PIK3CG: variants seen among roughly 807,000 people sequenced by gnomAD.
The protein encoded by PIK3CG is phosphatidylinositol 4,5-bisphosphate 3-kinase catalytic subunit gamma isoform.
In PIK3CG, 55 loss-of-function variants were observed where a neutral mutation model predicts 102.3. That is an observed-to-expected ratio of 0.54 (90% CI 0.43 to 0.67). PIK3CG has a LOEUF of 0.67. Ranked by LOEUF, PIK3CG falls within the 30% of genes least tolerant of loss-of-function variation. The probability of loss-of-function intolerance (pLI) is 0.00; values close to 1 mark genes in which losing one functional copy is unlikely to be tolerated. For synonymous variants in PIK3CG, 552 were observed against 540.0 expected (o/e 1.02, Z -0.31); for missense variants, 1,258 against 1,391.8 (o/e 0.90, Z 1.53).
chr7:106,898,080 T>C (rs1791454192), intron 10 of PIK3CG, among the ~76,000 whole-genome samples: 1 of 152,148 alleles, frequency 6.6e-6, no homozygotes, highest in South Asian at 2.1e-4. Context: ...CCATTCTGAG[T>C]GGTGGGAGAT....
chr7:106,896,423 G>A (rs1208573340), intron 10 of PIK3CG, among the ~76,000 whole-genome samples: 1 of 152,176 alleles, frequency 6.6e-6, no homozygotes, highest in East Asian at 1.9e-4. Context: ...AAAACCAAAA[G>A]GCGTCCCCAT....
chr7:106,871,769 T>C (rs1168961086), intron 2 of PIK3CG, among the ~76,000 whole-genome samples: 2 of 152,240 alleles, frequency 1.3e-5, no homozygotes, highest in Non-Finnish European at 2.9e-5. Flanking sequence ...TTTAATTGTG[T>C]TTTTTACATT....
chr7:106,883,366 G>A lies in PIK3CG; in HGVS notation c.2760+203G>A, dbSNP rs184003496. On this transcript the variant is annotated intron_variant, in intron 8 of 10. Coordinates refer to ENST00000496166, the MANE Select transcript of PIK3CG (RefSeq NM_001282426.2). This position sits in a 1 kb window ranked among gnomAD's most constrained non-coding sequence, Gnocchi z 5.8. ...GTGTGAAACAGAGGCACTCAGTTCAGGACTCCATGAGCATTTGCTTCTCTT... is the reference window on the plus strand; with the variant it reads ...GTGTGAAACAGAGGCACTCAGTTCAAGACTCCATGAGCATTTGCTTCTCTT... 1.1e-3 allele frequency among the ~76,000 whole-genome samples: 170 copies of A among 152,250 alleles called. No individual in the cohort carries two copies. The highest frequency in any genetic ancestry group is 3.7e-3 in the African/African-American group (152 of 41,540).
chr7:106,874,683 A>AAG lies in PIK3CG; in HGVS notation c.2288-17_2288-16insAG. On this transcript the variant is annotated splice_polypyrimidine_tract_variant and intron_variant, in intron 4 of 10. Coordinates refer to ENST00000496166, the MANE Select transcript of PIK3CG (RefSeq NM_001282426.2). This position sits in a 1 kb window ranked among gnomAD's most constrained non-coding sequence, Gnocchi z 4.3. ...TCTGGAACTCACATAACTCTTGTGT[A>AAG]CTTTTGACAATTACAGTTATTTCAC... The AAG allele has an allele frequency of 6.7e-7, 1 of 1,494,046 alleles. No individual in the cohort carries two copies. The highest frequency in any genetic ancestry group is 9.3e-7 in the Non-Finnish European group (1 of 1,071,114). 92.5% of individuals were successfully genotyped at this position (1,494,046 alleles called of 1,614,324 possible).
In PIK3CG at chr7:106,892,172, A is replaced by G. The variant is rs849405; in HGVS notation, c.3030+5880A>G. 0.14 allele frequency among the ~76,000 whole-genome samples: 20,707 copies of G among 151,790 alleles called. 1,733 individuals are homozygous for G. Among genetic ancestry groups the G allele is most frequent in the African/African-American group, 0.24 (9,900 of 41,336 alleles). ...GCCACAGGGACCACAGAGACCTTGT[A>G]ATCTGACATTCTTCCAAGGGCTGCA... is the stretch of plus-strand genomic sequence containing the variant. On this transcript the variant is annotated intron_variant, in intron 10 of 10. Coordinates refer to ENST00000496166, the MANE Select transcript of PIK3CG (RefSeq NM_001282426.2). The surrounding 1 kb of genome is among the most constrained non-coding windows in gnomAD (Gnocchi z 5.2).
At chr7:106,888,129 C>T (rs935185357) in intron 10 of PIK3CG, among the ~76,000 whole-genome samples, 2 of 151,740 alleles carry the variant, frequency 1.3e-5, no homozygotes, top group African/African-American at 2.4e-5. Flanking sequence ...TTAGTAGAGA[C>T]AGGGTTTCAC....
At chr7:106,898,190 G>T (rs112923435) in intron 10 of PIK3CG, among the ~76,000 whole-genome samples, 2 of 152,154 alleles carry the variant, frequency 1.3e-5, no homozygotes, top group Non-Finnish European at 2.9e-5. Flanking sequence ...CTTTTGAGAA[G>T]TATCTGTTTG....
Position 106,905,810 on chromosome 7 carries a change from T to G in PIK3CG, c.*423T>G, listed in dbSNP as rs1220160203. On this transcript the variant is annotated 3_prime_UTR_variant, in exon 11 of 11. Transcript: ENST00000496166. The surrounding 1 kb of genome is among the most constrained non-coding windows in gnomAD (Gnocchi z 5.6). ...CTCAAGCTCTTTAAAGAAAAAGATG[T>G]AATCGTTGTAACCTTTGTCTCATTC... The G allele has an allele frequency of 7.8e-6, 2 of 257,840 alleles. No homozygotes were observed. The highest frequency in any genetic ancestry group is 4.4e-5 in the African/African-American group (2 of 45,608). 16.0% of individuals were successfully genotyped at this position (257,840 alleles called of 1,614,324 possible). A position where few individuals can be genotyped will look rare whatever the true frequency, so the allele number is the denominator to read the frequency against.
rs1446853033 is a variant in PIK3CG, at chr7:106,867,707, G to A, written c.146G>A (p.Arg49His). The A allele has an allele frequency of 3.7e-6, 6 of 1,613,214 alleles. No individual in the cohort carries two copies. The highest frequency in any genetic ancestry group is 1.1e-5 in the South Asian group (1 of 91,078). Reference sequence around the variant, plus strand: ...GAGTTCGTGCTGCCCACCAGCCAGCGCAAATGCAAGAGCCCCGAAACGGCG... The same window carrying A: ...GAGTTCGTGCTGCCCACCAGCCAGCACAAATGCAAGAGCCCCGAAACGGCG... Reference protein sequence around the residue: ...PIEFVLPTSQRKCKSPETALL... With the variant: ...PIEFVLPTSQHKCKSPETALL... The change falls in exon 2 of 11, where the codon CGC (arginine) becomes CAC (histidine). Residue 49 changes from arginine to histidine, a missense_variant. By Grantham distance (29) the Arg-to-His change is conservative. This residue lies in a region of PIK3CG where 832 missense variants were observed against 787.5 expected (regional missense o/e 1.06). Coordinates refer to ENST00000496166, the MANE Select transcript of PIK3CG (RefSeq NM_001282426.2). This position sits in a 1 kb window ranked among gnomAD's most constrained non-coding sequence, Gnocchi z 5.1.
At chr7:106,878,176 T>C (rs1434701752) in intron 5 of PIK3CG, among the ~76,000 whole-genome samples, 3 of 152,232 alleles carry the variant, frequency 2.0e-5, no homozygotes, top group Non-Finnish European at 4.4e-5. Flanking sequence ...GATTGACTGG[T>C]TTTTTTCTTG....
Position 106,876,039 on chromosome 7 carries a change from C to G in PIK3CG, c.2391+1236C>G, listed in dbSNP as rs1170657079. Reference sequence around the variant, plus strand: ...ACGCCATTCTCCTGCCTCAGCCTCCCAAGTAGCTGGGACTACAGGCGCCCG... The same window carrying G: ...ACGCCATTCTCCTGCCTCAGCCTCCGAAGTAGCTGGGACTACAGGCGCCCG... On this transcript the variant is annotated intron_variant, in intron 5 of 10. Coordinates refer to ENST00000496166, the MANE Select transcript of PIK3CG (RefSeq NM_001282426.2). Among the ~76,000 whole-genome samples the G allele has an allele frequency of 2.0e-5, 3 of 150,496 alleles. No homozygotes were observed. The East Asian group carries it at 5.9e-4, about 29-fold the overall frequency.
intron 10 of PIK3CG, among the ~76,000 whole-genome samples, chr7:106,887,168 A>G (rs1207131494): frequency 1.3e-5 from 2 of 152,236 alleles, no homozygotes; most frequent in Non-Finnish European, 2.9e-5. Flanking sequence ...TACTTCAAAT[A>G]CCAAAGAGAA....
Position 106,867,462 on chromosome 7 carries a change from C to G in PIK3CG, c.-12-88C>G, listed in dbSNP as rs995849618. On this transcript the variant is annotated intron_variant, in intron 1 of 10. Coordinates refer to ENST00000496166, the MANE Select transcript of PIK3CG (RefSeq NM_001282426.2). The surrounding 1 kb of genome is among the most constrained non-coding windows in gnomAD (Gnocchi z 5.1). ...TGGGTCCCTGTGCACATGTACGCCGCCTATACCTCCTCTTCCCTCATCTCA... is the reference window on the plus strand; with the variant it reads ...TGGGTCCCTGTGCACATGTACGCCGGCTATACCTCCTCTTCCCTCATCTCA... 6 of 1,229,054 alleles carry G rather than the reference C, an allele frequency of 4.9e-6. No homozygotes were observed. Among genetic ancestry groups the G allele is most frequent in the Non-Finnish European group, 6.9e-6 (6 of 875,516 alleles). 76.1% of individuals were successfully genotyped at this position (1,229,054 alleles called of 1,614,324 possible).
chr7:106,887,082 C>T (rs894979972), intron 10 of PIK3CG, among the ~76,000 whole-genome samples: 7 of 152,168 alleles, frequency 4.6e-5, no homozygotes, highest in Non-Finnish European at 1.0e-4. Context: ...GGGCTACATT[C>T]GGGTTGGATG....
In PIK3CG at chr7:106,903,574, A is replaced by T. The variant is rs1791614123; in HGVS notation, c.3031-1535A>T. On this transcript the variant is annotated intron_variant, in intron 10 of 10. Coordinates refer to ENST00000496166, the MANE Select transcript of PIK3CG (RefSeq NM_001282426.2). The surrounding 1 kb of genome is among the most constrained non-coding windows in gnomAD (Gnocchi z 4.3). The stretch of plus-strand genomic sequence containing the variant: ...TATTGTTGTTACCATTGATTTTAGC[A>T]TCTGTTTTTGCATTTTACTTTCCAA... 6.6e-6 allele frequency among the ~76,000 whole-genome samples: 1 copy of T among 151,870 alleles called. No homozygotes were observed. Among genetic ancestry groups the T allele is most frequent in the Admixed American group, 6.6e-5 (1 of 15,246 alleles).
chr7:106,881,523 G>A (rs746335889), intron 6 of PIK3CG, among the ~76,000 whole-genome samples: 3 of 152,088 alleles, frequency 2.0e-5, no homozygotes, highest in Non-Finnish European at 4.4e-5. Context: ...GAACAGAGAG[G>A]TGATGAACCA....
intron 10 of PIK3CG, among the ~76,000 whole-genome samples, chr7:106,900,521 C>G (rs910188906): frequency 6.6e-6 from 1 of 152,132 alleles, no homozygotes; most frequent in African/African-American, 2.4e-5. Context: ...CAACTTGCCA[C>G]TTTGTCTTTT....
Position 106,903,067 on chromosome 7 carries a change from A to G in PIK3CG, c.3031-2042A>G, listed in dbSNP as rs536054849. On this transcript the variant is annotated intron_variant, in intron 10 of 10. Transcript: ENST00000496166. The surrounding 1 kb of genome is among the most constrained non-coding windows in gnomAD (Gnocchi z 4.3). ...TCAAATAATAGATCTTTTCCCCACC[A>G]ATTTGAAAAGCCACCTGTATTATAT... Among the ~76,000 whole-genome samples, 1 of 152,200 alleles carries G rather than the reference A, an allele frequency of 6.6e-6. No individual in the cohort carries two copies. The highest frequency in any genetic ancestry group is 2.1e-4 in the South Asian group (1 of 4,824).
rs1171481569 is a variant in PIK3CG at position 106,906,440 on chromosome 7, T to TTTTTTC, written c.*1062_*1067dup. ...TAATTTTAAACTTTGGCCTGAACAG[T>TTTTTTC]TTTTTCTTTTTCTTAATGGAAGAAG... On this transcript the variant is annotated 3_prime_UTR_variant, in exon 11 of 11. Transcript: ENST00000496166. 4.4e-6 allele frequency: 1 copy of TTTTTTC among 229,594 alleles called. No individual in the cohort carries two copies. Among genetic ancestry groups the TTTTTTC allele is most frequent in the Non-Finnish European group, 8.6e-6 (1 of 115,988 alleles). 14.2% of individuals were successfully genotyped at this position (229,594 alleles called of 1,614,324 possible).
Sources: gnomAD v4.1 joint callset for allele counts (sites outside exome capture counted in the v4.1 genomes callset) on GRCh38, gnomAD v4.1.1 for gene constraint, gnomAD v4.1.1 regional missense constraint, Gnocchi (gnomAD v3.1) non-coding constraint, MANE v1.5 for transcripts, NCBI Gene and HGNC (gene_info 2026-07-23, HGNC 2026-07-21) for gene names.